The following RSPO2 variants were observed in gnomAD, a reference collection of about 807,000 sequenced individuals.
The protein encoded by RSPO2 is R-spondin 2.
Under a neutral mutation model 30.9 loss-of-function variants are expected in RSPO2, and 14 were observed. That is an observed-to-expected ratio of 0.45 (90% CI 0.30 to 0.71). RSPO2 has a LOEUF of 0.71. RSPO2 is among the 30% of genes least tolerant of loss of function. The pLI is 0.08. For synonymous variants in RSPO2, 107 were observed against 96.4 expected, an observed-to-expected ratio of 1.11 and a Z score of -0.64; for missense variants, 264 against 301.9, an observed-to-expected ratio of 0.87 and a Z score of 0.93.
At chr8:107,971,549 G>A (rs1813999214) in intron 3 of RSPO2, among the ~76,000 whole-genome samples, 1 of 152,174 alleles carries the variant, frequency 6.6e-6, no homozygotes. Context: ...CTGTGGACCA[G>A]TACATTAAAC....
At chr8:108,044,067 A>G (rs889832965) in intron 2 of RSPO2, among the ~76,000 whole-genome samples, 3 of 152,002 alleles carry the variant, frequency 2.0e-5, no homozygotes, top group African/African-American at 7.2e-5. Flanking sequence ...TCCAAGCTCC[A>G]TGAAAAGCTT....
intron 2 of RSPO2, among the ~76,000 whole-genome samples, chr8:108,051,161 T>C (rs1812068080): frequency 6.6e-6 from 1 of 152,174 alleles, no homozygotes; most frequent in South Asian, 2.1e-4. Context: ...GAAAAACTAA[T>C]TGAAATTGTA....
intron 2 of RSPO2, among the ~76,000 whole-genome samples, chr8:108,005,218 C>A (rs1815412178): frequency 6.6e-6 from 1 of 152,122 alleles, no homozygotes; most frequent in Admixed American, 6.6e-5. Flanking sequence ...ATTTTGGTCC[C>A]ATTACTGGTG....
At chr8:108,008,917 G>A (rs1238444965) in intron 2 of RSPO2, among the ~76,000 whole-genome samples, 1 of 151,418 alleles carries the variant, frequency 6.6e-6, no homozygotes, top group East Asian at 1.9e-4. Context: ...AAAGAATATT[G>A]GCAAATCAAA....
rs551200153 is a variant in RSPO2 at position 107,999,179 on chromosome 8, ATTAAT to A, written c.95-9940_95-9936del. ...GAAGCATTAACTTTGAGAAACTCAT[ATTAAT>A]TTATCTAACAATATTATTTAAATAT... is the stretch of plus-strand genomic sequence containing the variant. On this transcript the variant is annotated intron_variant, in intron 2 of 5. Coordinates refer to ENST00000276659, the MANE Select transcript of RSPO2 (RefSeq NM_178565.5). Among the ~76,000 whole-genome samples the A allele has an allele frequency of 6.7e-3, 1,026 of 152,138 alleles. 10 individuals are homozygous for A. The highest frequency in any genetic ancestry group is 0.024 in the African/African-American group (976 of 41,442).
chr8:108,021,480 T>C (rs985144374), intron 2 of RSPO2, among the ~76,000 whole-genome samples: 1 of 152,146 alleles, frequency 6.6e-6, no homozygotes, highest in African/African-American at 2.4e-5. Flanking sequence ...AGCATCAATG[T>C]AAACTGAATG....
chr8:107,917,209 G>A (rs1345410514), intron 5 of RSPO2, among the ~76,000 whole-genome samples: 2 of 152,132 alleles, frequency 1.3e-5, no homozygotes, highest in Admixed American at 1.3e-4. Flanking sequence ...TTTGAGGCCA[G>A]GCAGGTGGCT....
chr8:108,056,695 T>C (rs1224092264), intron 2 of RSPO2, among the ~76,000 whole-genome samples: 2 of 149,158 alleles, frequency 1.3e-5, no homozygotes, highest in Non-Finnish European at 1.5e-5. Context: ...TGGCACATAG[T>C]AAATGCTCAA....
intron 5 of RSPO2, among the ~76,000 whole-genome samples, chr8:107,953,349 C>G (rs1020459352): frequency 6.6e-6 from 1 of 152,106 alleles, no homozygotes; most frequent in Admixed American, 6.5e-5. Context: ...CACTACCAAC[C>G]AAGGACCAAT....
chr8:107,995,793 A>C (rs949090809), intron 2 of RSPO2, among the ~76,000 whole-genome samples: 1 of 151,848 alleles, frequency 6.6e-6, no homozygotes, highest in African/African-American at 2.4e-5. Context: ...GGCCTTTATC[A>C]CTTCTCATTT....
chr8:107,925,712 T>C (rs1812344685), intron 5 of RSPO2, among the ~76,000 whole-genome samples: 3 of 152,138 alleles, frequency 2.0e-5, no homozygotes, highest in Admixed American at 1.3e-4. Context: ...GCTTCATCCA[T>C]GTCCCTGCAA....
chr8:107,926,347 A>C (rs1812370154), intron 5 of RSPO2, among the ~76,000 whole-genome samples: 2 of 152,102 alleles, frequency 1.3e-5, no homozygotes, highest in Admixed American at 1.3e-4. Context: ...CCTATTCTGT[A>C]GGTTGCCTGT....
intron 2 of RSPO2, among the ~76,000 whole-genome samples, chr8:108,043,097 T>A (rs775648350): frequency 6.6e-6 from 1 of 152,158 alleles, no homozygotes; most frequent in Non-Finnish European, 1.5e-5. Flanking sequence ...AGATAAAGGC[T>A]GTGAAACTGC....
intron 5 of RSPO2, among the ~76,000 whole-genome samples, chr8:107,931,728 C>G (rs537689443): frequency 6.6e-6 from 1 of 152,132 alleles, no homozygotes; most frequent in South Asian, 2.1e-4. Context: ...TTTTCATTGT[C>G]AAGCAGAGAA....
intron 5 of RSPO2, among the ~76,000 whole-genome samples, chr8:107,926,952 T>C (rs1812396875): frequency 6.6e-6 from 1 of 152,168 alleles, no homozygotes; most frequent in African/African-American, 2.4e-5. Flanking sequence ...GGTAGCTTGA[T>C]GGGGATGGCA....
intron 2 of RSPO2, among the ~76,000 whole-genome samples, chr8:108,067,308 G>T (rs1432165610): frequency 1.3e-5 from 2 of 152,130 alleles, no homozygotes; most frequent in Non-Finnish European, 2.9e-5. Context: ...GTGCTATCAA[G>T]AAATAACGAA....
chr8:108,077,536 A>C (rs1464781818), intron 2 of RSPO2, among the ~76,000 whole-genome samples: 1 of 152,174 alleles, frequency 6.6e-6, no homozygotes, highest in Non-Finnish European at 1.5e-5. Context: ...TCGAAGAGAA[A>C]GATGAAAAGG....
At chr8:107,950,490 G>GT (rs1439387723) in intron 5 of RSPO2, among the ~76,000 whole-genome samples, 21 of 80,396 alleles carry the variant, frequency 2.6e-4, no homozygotes, top group African/African-American at 5.8e-4. Flanking sequence ...ACATTTTGGG[G>GT]TGTTTTTTTT....
intron 5 of RSPO2, among the ~76,000 whole-genome samples, chr8:107,949,557 A>G (rs1398765867): frequency 2.6e-5 from 4 of 152,216 alleles, no homozygotes; most frequent in Admixed American, 2.0e-4. Context: ...GCAAAAAACA[A>G]CTGATAAGTC....
Sources: allele counts gnomAD v4.1 joint callset (sites outside exome capture counted in the v4.1 genomes callset), GRCh38; gene constraint gnomAD v4.1.1; transcripts MANE v1.5; gene names NCBI Gene and HGNC (gene_info 2026-07-23, HGNC 2026-07-21).